The following COL4A6 variants were observed in gnomAD, a reference collection of about 807,000 sequenced individuals.
COL4A6 encodes the protein collagen type IV alpha 6 chain.
COL4A6 carries 59 observed loss-of-function variants against 126.7 expected under a neutral mutation model. The observed-to-expected ratio is 0.47, with a 90% CI of 0.38 to 0.58. The LOEUF is 0.58. COL4A6 is among the 20% of genes least tolerant of loss of function. The pLI, the probability that COL4A6 is intolerant of heterozygous loss-of-function variation, is 0.00. For synonymous variants in COL4A6, 547 were observed against 496.6 expected (o/e 1.10, Z -1.35); for missense variants, 1,285 against 1,337.3 (o/e 0.96, Z 0.61).
Position 108,174,546 on chromosome X carries a change from C to T in COL4A6, c.3032G>A (p.Gly1011Glu). Residue 1011 changes from glycine to glutamate, a missense_variant, in exon 31 of 45, where the codon GGA becomes GAA. Coordinates refer to ENST00000334504, the MANE Select transcript of COL4A6 (RefSeq NM_033641.4). ...GAPGLPGIIKGVSGKPGPPGF... is the reference protein window; with the variant it reads ...GAPGLPGIIKEVSGKPGPPGF... ...AGGGGGCCCTGGCTTTCCACTAACT[C>T]CTTTGATAATGCCTGGGAGGCCAGG... 2 of 1,209,387 alleles carry T rather than the reference C, an allele frequency of 1.7e-6. No individual in the cohort carries two copies. The highest frequency in any genetic ancestry group is 2.2e-6 in the Non-Finnish European group (2 of 894,519).
chrX:108,413,490 G>A (rs932888189), intron 2 of COL4A6, among the ~76,000 whole-genome samples: 5 of 109,820 alleles, frequency 4.6e-5, no homozygotes, highest in Admixed American at 1.9e-4. Flanking sequence ...ACAGAGTCTC[G>A]CTCTGTCGCC....
chrX:108,332,659 T>C (rs967275886), intron 2 of COL4A6, among the ~76,000 whole-genome samples: 1 of 111,745 alleles, frequency 8.9e-6, no homozygotes, highest in Non-Finnish European at 1.9e-5. Context: ...TTTGAAAAAA[T>C]CATTTGTTCA....
chrX:108,261,456 A>G (rs2037159516), intron 3 of COL4A6, among the ~76,000 whole-genome samples: 1 of 111,624 alleles, frequency 9.0e-6, no homozygotes, highest in Non-Finnish European at 1.9e-5. Flanking sequence ...CATTTTATAG[A>G]TGAGGAAAAT....
chrX:108,379,630 C>T (rs1339575036), intron 2 of COL4A6, among the ~76,000 whole-genome samples: 1 of 107,875 alleles, frequency 9.3e-6, no homozygotes, highest in Non-Finnish European at 1.9e-5. Context: ...GAGACTCTGA[C>T]TGATTTAAGG....
intron 2 of COL4A6, among the ~76,000 whole-genome samples, chrX:108,326,752 T>C (rs1371621939): frequency 1.8e-5 from 2 of 112,031 alleles, no homozygotes; most frequent in African/African-American, 6.5e-5. Flanking sequence ...AATAAACAAA[T>C]GATGAACTTT....
At chrX:108,357,240 C>T (rs2039981366) in intron 2 of COL4A6, among the ~76,000 whole-genome samples, 1 of 111,490 alleles carries the variant, frequency 9.0e-6, no homozygotes, top group Admixed American at 9.5e-5. Context: ...TAGAAGACTT[C>T]TGGCAGAGTC....
intron 3 of COL4A6, among the ~76,000 whole-genome samples, chrX:108,244,814 C>A (rs778229521): frequency 9.0e-6 from 1 of 111,405 alleles, no homozygotes; most frequent in Non-Finnish European, 1.9e-5. Flanking sequence ...GCTTGTTAGC[C>A]CCAGGGACTC....
At chrX:108,176,737 C>T in intron 28 of COL4A6, 104 bp downstream of exon 28, 1 of 899,952 alleles carries the variant, frequency 1.1e-6, no homozygotes, top group Non-Finnish European at 1.5e-6. Context: ...CTGTCCAAGT[C>T]CCTCCCCATT....
chrX:108,297,601 G>GTGTAATGATACAGGGCT (rs1200367900), intron 3 of COL4A6, among the ~76,000 whole-genome samples: 3 of 110,731 alleles, frequency 2.7e-5, no homozygotes, highest in Non-Finnish European at 3.8e-5. Flanking sequence ...TACACATCTA[G>GTGTAATGATACAGGGCT]TAAATGATAG....
At chrX:108,244,710 G>A (rs1225074731) in intron 3 of COL4A6, among the ~76,000 whole-genome samples, 1 of 111,610 alleles carries the variant, frequency 9.0e-6, no homozygotes, top group Non-Finnish European at 1.9e-5. Flanking sequence ...CTTTAGGTTG[G>A]TTCAACTGTC....
intron 2 of COL4A6, among the ~76,000 whole-genome samples, chrX:108,435,748 C>T (rs1224765537): frequency 3.6e-5 from 4 of 111,760 alleles, no homozygotes; most frequent in Non-Finnish European, 5.6e-5. Flanking sequence ...CCCAAAAGCC[C>T]CTAAATGACC....
At chrX:108,207,138 T>C (rs888967832) in intron 8 of COL4A6, among the ~76,000 whole-genome samples, 1 of 112,007 alleles carries the variant, frequency 8.9e-6, no homozygotes, top group African/African-American at 3.2e-5. Flanking sequence ...TGCAAACAAA[T>C]ATTGAAGTCT....
chrX:108,173,211 T>TTA (rs1487194872), intron 31 of COL4A6, among the ~76,000 whole-genome samples: 3 of 111,973 alleles, frequency 2.7e-5, no homozygotes, highest in Non-Finnish European at 5.6e-5. Flanking sequence ...TTTATGCCAC[T>TTA]TAGTGCTTTG....
intron 3 of COL4A6, among the ~76,000 whole-genome samples, chrX:108,283,126 A>T (rs1338744850): frequency 1.8e-5 from 2 of 108,629 alleles, no homozygotes; most frequent in East Asian, 5.8e-4. Flanking sequence ...GTGCACTTGT[A>T]CCCTAAAACT....
chrX:108,160,689 G>A (rs1453111032), intron 42 of COL4A6, 35 bp from the exon 43 acceptor site: 1 of 1,130,212 alleles, frequency 8.8e-7, no homozygotes, highest in Admixed American at 2.4e-5. Flanking sequence ...TGAGTGTGGT[G>A]CAGCTAATGA....
At chrX:108,279,530 A>C (rs1387897515) in intron 3 of COL4A6, among the ~76,000 whole-genome samples, 5 of 111,739 alleles carry the variant, frequency 4.5e-5, no homozygotes, top group African/African-American at 1.6e-4. Flanking sequence ...TTAGATTCCC[A>C]CACAAAAATA....
At chrX:108,400,448 G>C (rs369019910) in intron 2 of COL4A6, among the ~76,000 whole-genome samples, 30 of 111,084 alleles carry the variant, frequency 2.7e-4, no homozygotes, top group African/African-American at 7.8e-4. Context: ...TTTGCTCTTA[G>C]CTCAAGGCTA....
chrX:108,310,833 T>TA lies in COL4A6; in HGVS notation c.64-6dup, dbSNP rs1178109806. 8.4e-7 allele frequency: 1 copy of TA among 1,189,060 alleles called. No individual in the cohort carries two copies. Among genetic ancestry groups the TA allele is most frequent in the South Asian group, 1.8e-5 (1 of 54,964 alleles). Reference sequence around the variant, plus strand: ...CTTTCCATAAGACTTCTCTCCCTATTAAAAAAAGGAAAAAGTTAATAAACC... The same window carrying TA: ...CTTTCCATAAGACTTCTCTCCCTATTAAAAAAAAGGAAAAAGTTAATAAACC... On this transcript the variant is annotated splice_region_variant and splice_polypyrimidine_tract_variant and intron_variant, in intron 2 of 44. Coordinates refer to ENST00000334504, the MANE Select transcript of COL4A6 (RefSeq NM_033641.4).
In COL4A6 at chrX:108,205,449, TTC is replaced by T. The variant is rs769197488; in HGVS notation, c.675_676del (p.Lys226ArgfsTer36). 3 of 1,200,790 alleles carry T rather than the reference TTC, an allele frequency of 2.5e-6. No homozygotes were observed. Among genetic ancestry groups the T allele is most frequent in the Non-Finnish European group, 3.4e-6 (3 of 887,212 alleles). On this transcript the variant is annotated frameshift_variant, in exon 11 of 45. Transcript: ENST00000334504. LOFTEE classifies it high-confidence loss of function. ...TTAAAAGCTGTTTACCTTGACTCCT[TTC>T]TCTCCTTGAAAACCTAGCCCCATAT...
Sources: allele counts gnomAD v4.1 joint callset (sites outside exome capture counted in the v4.1 genomes callset), GRCh38; gene constraint gnomAD v4.1.1; transcripts MANE v1.5; gene names NCBI Gene and HGNC (gene_info 2026-07-23, HGNC 2026-07-21).